Variants in THSD7A observed in about 807,000 individuals in gnomAD.
THSD7A encodes thrombospondin type-1 domain-containing protein 7A.
In THSD7A, 96 loss-of-function variants were observed where a neutral mutation model predicts 231.3. That is an observed-to-expected ratio of 0.41 (90% CI 0.35 to 0.49). The LOEUF is 0.49. THSD7A is among the 20% of genes least tolerant of loss of function. The pLI is 0.05. For synonymous variants in THSD7A, 940 were observed against 743.3 expected, an observed-to-expected ratio of 1.26 and a Z score of -4.30; for missense variants, 2,290 against 2,070.2, an observed-to-expected ratio of 1.11 and a Z score of -2.06.
intron 1 of THSD7A, among the ~76,000 whole-genome samples, chr7:11,785,848 A>C (rs1271940231): frequency 6.6e-6 from 1 of 152,144 alleles, no homozygotes; most frequent in African/African-American, 2.4e-5. Flanking sequence ...ATAAAATAAT[A>C]GGCTAATTCT....
intron 4 of THSD7A, among the ~76,000 whole-genome samples, chr7:11,548,107 TG>T (rs1166348714): frequency 6.6e-6 from 1 of 151,942 alleles, no homozygotes; most frequent in Non-Finnish European, 1.5e-5. Context: ...ATTGATAGAT[TG>T]CTAGCTAGAC....
rs975935066 is a variant in THSD7A, at chr7:11,636,029, C to T, written c.1022+101G>A. On this transcript the variant is annotated intron_variant, in intron 2 of 27. Coordinates refer to ENST00000423059, the MANE Select transcript of THSD7A (RefSeq NM_015204.3). The surrounding 1 kb of genome is among the most constrained non-coding windows in gnomAD (Gnocchi z 10.0). Reference sequence around the variant, plus strand: ...TGGGGGTAGCTCATCCTAGGTTGTGCCCCTACGTAATCCAGAAGTTATTAG... The same window carrying T: ...TGGGGGTAGCTCATCCTAGGTTGTGTCCCTACGTAATCCAGAAGTTATTAG... 27 of 1,137,798 alleles carry T rather than the reference C, an allele frequency of 2.4e-5. No homozygotes were observed. The highest frequency in any genetic ancestry group is 7.4e-5 in the Admixed American group (3 of 40,608). The allele number at this position is 1,137,798 out of a possible 1,614,324, so 70.5% of individuals were successfully genotyped here.
rs564599055 is a variant in THSD7A at position 11,747,780 on chromosome 7, G to A, written c.190+83977C>T. On this transcript the variant is annotated intron_variant, in intron 1 of 27. Transcript: ENST00000423059. ...ATTTCTTTGGAAGGCCATGGATAAA[G>A]TCTCAGAGGAAGTAATATTTACTTT... Among the ~76,000 whole-genome samples, 4 of 152,002 alleles carry A rather than the reference G, an allele frequency of 2.6e-5. No homozygotes were observed. In the South Asian group the frequency reaches 8.3e-4, roughly 31 times the overall value.
intron 6 of THSD7A, among the ~76,000 whole-genome samples, chr7:11,522,298 C>G (rs1172587763): frequency 6.6e-6 from 1 of 152,136 alleles, no homozygotes; most frequent in Admixed American, 6.5e-5. Context: ...TCCCCAAGGC[C>G]ATGGGCAAAC....
rs529457999 is a variant in THSD7A at position 11,681,883 on chromosome 7, G to A, written c.191-44922C>T. Among the ~76,000 whole-genome samples, 13 of 151,486 alleles carry A rather than the reference G, an allele frequency of 8.6e-5. 1 individual carries two copies. In the South Asian group the frequency reaches 2.7e-3, roughly 32 times the overall value. On this transcript the variant is annotated intron_variant, in intron 1 of 27. Transcript: ENST00000423059. The stretch of plus-strand genomic sequence containing the variant: ...AAAGGGTTCATATTACCTATAAAGG[G>A]CATCACATCAGAACAACAGCAGACT...
At chr7:11,555,172 A>C (rs1178366751) in intron 4 of THSD7A, among the ~76,000 whole-genome samples, 1 of 151,760 alleles carries the variant, frequency 6.6e-6, no homozygotes, top group Non-Finnish European at 1.5e-5. Flanking sequence ...TTGGTTCTCT[A>C]GATGGGAGCT....
rs754584530 is a variant in THSD7A at position 11,375,806 on chromosome 7, A to G, written c.4962T>C (p.Asp1654=). Reference sequence around the variant, plus strand: ...GAAAAGTTATATGTTACATGTCGGCATCTCCATCATAGGCTAAGGTTAAAG... The same window carrying G: ...GAAAAGTTATATGTTACATGTCGGCGTCTCCATCATAGGCTAAGGTTAAAG... ...LKPLTLAYDG[D]ADM The change falls in exon 28 of 28, where the codon GAT becomes GAC. Residue 1654 remains aspartate, a synonymous_variant. Coordinates refer to ENST00000423059, the MANE Select transcript of THSD7A (RefSeq NM_015204.3). The G allele has an allele frequency of 6.2e-7, 1 of 1,612,498 alleles. No homozygotes were observed. The highest frequency in any genetic ancestry group is 1.1e-5 in the South Asian group (1 of 90,996).
chr7:11,737,510 G>C (rs531773723), intron 1 of THSD7A, among the ~76,000 whole-genome samples: 1 of 151,964 alleles, frequency 6.6e-6, no homozygotes, highest in African/African-American at 2.4e-5. Flanking sequence ...GCAGTTCCTG[G>C]AATCAGTAGA....
At chr7:11,819,099 ACAT>A (rs1784793998) in intron 1 of THSD7A, among the ~76,000 whole-genome samples, 2 of 152,174 alleles carry the variant, frequency 1.3e-5, no homozygotes, top group South Asian at 4.1e-4. Flanking sequence ...AGCAGATGAA[ACAT>A]CATGTTAGTA....
chr7:11,650,069 T>C (rs1782432860), intron 1 of THSD7A, among the ~76,000 whole-genome samples: 1 of 152,074 alleles, frequency 6.6e-6, no homozygotes, highest in Non-Finnish European at 1.5e-5. Flanking sequence ...CAATGAGAAT[T>C]GAGGAAAAAA....
At chr7:11,617,204 C>A (rs1439357425) in intron 2 of THSD7A, among the ~76,000 whole-genome samples, 3 of 152,142 alleles carry the variant, frequency 2.0e-5, no homozygotes, top group African/African-American at 7.2e-5. Flanking sequence ...CTTATGTTCT[C>A]AACATTCATC....
rs1562728058 is a variant in THSD7A, at chr7:11,568,656, C to CAAAAAAAAA, written c.1453+21803_1453+21804insTTTTTTTTT. On this transcript the variant is annotated intron_variant, in intron 4 of 27. Coordinates refer to ENST00000423059, the MANE Select transcript of THSD7A (RefSeq NM_015204.3). ...AAAAAAAAAAAAAAAAAAAAAAAAC[C>CAAAAAAAAA]AAAATCTGGAACAAGGTAAAGATGA... is the stretch of plus-strand genomic sequence containing the variant. 4.8e-4 allele frequency among the ~76,000 whole-genome samples: 43 copies of CAAAAAAAAA among 88,664 alleles called. 5 individuals carry two copies. Among genetic ancestry groups the CAAAAAAAAA allele is most frequent in the Admixed American group, 8.6e-4 (6 of 7,010 alleles). 58.2% of individuals were successfully genotyped at this position (88,664 alleles called of 152,430 possible). A position where few individuals can be genotyped will look rare whatever the true frequency, so the allele number is the denominator to read the frequency against.
intron 2 of THSD7A, among the ~76,000 whole-genome samples, chr7:11,633,681 C>G (rs1172642729): frequency 1.3e-5 from 2 of 152,156 alleles, no homozygotes; most frequent in Non-Finnish European, 2.9e-5. Flanking sequence ...TTCCTGCTGT[C>G]AGAATAGAGT....
intron 1 of THSD7A, among the ~76,000 whole-genome samples, chr7:11,787,321 A>G (rs66894282): frequency 0.2 from 30,645 of 151,958 alleles, 3,381 homozygotes; most frequent in African/African-American, 0.29. Context: ...AGAAAATAAC[A>G]TGGGAGAAAA....
At position 11,446,200 on chromosome 7, in the gene THSD7A, T is replaced by C. The variant is rs79441692; in HGVS notation, c.2925A>G (p.Pro975=). ...CCAGCAACACTTCCACTTTTCCCTC[T>C]GGTAAAATACAGTCTGACCAGTTCC... ...PVGNWSDCIL[P]EGKVEVLLGM... is the part of the protein sequence containing the mutation. Residue 975 remains proline, a synonymous_variant, in exon 13 of 28, where the codon CCA becomes CCG. Coordinates refer to ENST00000423059, the MANE Select transcript of THSD7A (RefSeq NM_015204.3). The surrounding 1 kb of genome is among the most constrained non-coding windows in gnomAD (Gnocchi z 4.0). 2.7e-4 allele frequency: 428 copies of C among 1,613,550 alleles called. No homozygotes were observed. In the African/African-American group the frequency reaches 5.1e-3, roughly 19 times the overall value.
intron 1 of THSD7A, among the ~76,000 whole-genome samples, chr7:11,745,600 C>T (rs1782272295): frequency 6.6e-6 from 1 of 152,016 alleles, no homozygotes; most frequent in African/African-American, 2.4e-5. Context: ...AGTCTTTAAT[C>T]CATCTTGAAT....
intron 1 of THSD7A, among the ~76,000 whole-genome samples, chr7:11,830,611 A>G (rs1306352747): frequency 6.6e-6 from 1 of 152,180 alleles, no homozygotes; most frequent in Non-Finnish European, 1.5e-5. Flanking sequence ...GTGTACTTTG[A>G]CTTTAAATAA....
chr7:11,600,977 A>G (rs1447900501), intron 2 of THSD7A, among the ~76,000 whole-genome samples: 1 of 152,198 alleles, frequency 6.6e-6, no homozygotes, highest in African/African-American at 2.4e-5. Flanking sequence ...CCAAAATCCC[A>G]TTGCTACTCA....
chr7:11,401,025 C>A (rs1207145498), intron 23 of THSD7A, among the ~76,000 whole-genome samples: 1 of 152,008 alleles, frequency 6.6e-6, no homozygotes, highest in African/African-American at 2.4e-5. Flanking sequence ...TTCACACAGA[C>A]ATATAAACAT....
Sources: allele counts gnomAD v4.1 joint callset (sites outside exome capture counted in the v4.1 genomes callset), GRCh38; gene constraint gnomAD v4.1.1; non-coding constraint Gnocchi (gnomAD v3.1); transcripts MANE v1.5; gene names NCBI Gene and HGNC (gene_info 2026-07-23, HGNC 2026-07-21).